DNM3: variants seen among roughly 807,000 people sequenced by gnomAD.
The protein encoded by DNM3 is dynamin-3.
In DNM3, 47 loss-of-function variants were observed where a neutral mutation model predicts 101.6. The ratio of observed to expected loss-of-function variants is 0.46; its 90% CI spans 0.37 to 0.59. The LOEUF (loss-of-function observed/expected upper bound fraction) is 0.59. Among genes scored for constraint, DNM3 ranks in the 20% least tolerant of loss-of-function variants. The pLI is 0.00. For synonymous variants in DNM3, 385 were observed against 387.9 expected (o/e 0.99, Z 0.09); for missense variants, 849 against 1,085.7 (o/e 0.78, Z 3.06).
chr1:171,939,304 T>C (rs1282113925), intron 2 of DNM3, among the ~76,000 whole-genome samples: 1 of 152,210 alleles, frequency 6.6e-6, no homozygotes, highest in Admixed American at 6.6e-5. Flanking sequence ...ATATTTCTCT[T>C]TGAAGTAAAT....
At chr1:172,291,607 A>G (rs902360699) in intron 15 of DNM3, among the ~76,000 whole-genome samples, 7 of 152,218 alleles carry the variant, frequency 4.6e-5, no homozygotes, top group Admixed American at 6.5e-5. Flanking sequence ...TGAAGGGTAT[A>G]TTAGAGATTT....
intron 17 of DNM3, among the ~76,000 whole-genome samples, chr1:172,371,504 CT>C (rs1213962098): frequency 6.6e-6 from 1 of 151,938 alleles, no homozygotes; most frequent in East Asian, 1.9e-4. Flanking sequence ...AAATGGTTCA[CT>C]TTTTTTGAGC....
intron 14 of DNM3, among the ~76,000 whole-genome samples, chr1:172,216,612 A>G (rs1026001900): frequency 1.3e-4 from 20 of 152,258 alleles, no homozygotes; most frequent in East Asian, 1.9e-4. Context: ...TGATTAATCC[A>G]TTTTAGTAAG....
chr1:172,073,875 A>G (rs2125958268), intron 11 of DNM3, among the ~76,000 whole-genome samples: 1 of 152,346 alleles, frequency 6.6e-6, no homozygotes, highest in South Asian at 2.1e-4. Context: ...TATCTCTGGT[A>G]TAATACCTTC....
intron 14 of DNM3, among the ~76,000 whole-genome samples, chr1:172,153,133 G>T (rs2058200635): frequency 6.6e-6 from 1 of 152,100 alleles, no homozygotes; most frequent in South Asian, 2.1e-4. Context: ...GAATTGATTG[G>T]TTCAAGTTCA....
At chr1:171,994,764 T>C (rs1360376053) in intron 4 of DNM3, among the ~76,000 whole-genome samples, 1 of 152,000 alleles carries the variant, frequency 6.6e-6, no homozygotes, top group East Asian at 1.9e-4. Context: ...ACCTGTGATG[T>C]TGAACAATTG....
intron 4 of DNM3, among the ~76,000 whole-genome samples, chr1:172,023,206 C>T (rs1337825463): frequency 6.6e-6 from 1 of 152,122 alleles, no homozygotes; most frequent in African/African-American, 2.4e-5. Context: ...CAATTGCTCT[C>T]TTGGTCTCAT....
intron 15 of DNM3, chr1:172,289,624 C>T (rs2063826733): frequency 1.0e-6 from 1 of 977,894 alleles, no homozygotes. Context: ...TTATAATTTT[C>T]CAACTTGCTC....
intron 15 of DNM3, among the ~76,000 whole-genome samples, chr1:172,302,915 G>C (rs1467797199): frequency 1.3e-5 from 2 of 152,132 alleles, no homozygotes; most frequent in African/African-American, 4.8e-5. Flanking sequence ...AAACCACAAA[G>C]CTGGGGAGAA....
At chr1:172,008,027 CTT>C (rs2046813882) in intron 4 of DNM3, among the ~76,000 whole-genome samples, 1 of 151,944 alleles carries the variant, frequency 6.6e-6, no homozygotes, top group South Asian at 2.1e-4. Flanking sequence ...CTATTCGGGT[CTT>C]TTGCCCATTT....
At chr1:171,880,365 T>A (rs2036157326) in intron 1 of DNM3, among the ~76,000 whole-genome samples, 1 of 152,228 alleles carries the variant, frequency 6.6e-6, no homozygotes, top group Non-Finnish European at 1.5e-5. Flanking sequence ...GGTATCTCTA[T>A]GTATTTGTAG....
intron 14 of DNM3, among the ~76,000 whole-genome samples, chr1:172,213,166 A>G (rs1240576489): frequency 1.3e-5 from 2 of 152,100 alleles, no homozygotes; most frequent in East Asian, 1.9e-4. Flanking sequence ...TAAGTCCAGC[A>G]CCATCAGGTC....
At chr1:172,162,145 C>T (rs61807787) in intron 14 of DNM3, among the ~76,000 whole-genome samples, 31,082 of 151,968 alleles carry the variant, frequency 0.2, 4,204 homozygotes, top group Non-Finnish European at 0.3. Flanking sequence ...TAGTAGGAAA[C>T]ATAGGAATAT....
At chr1:171,876,426 C>T (rs55951558) in intron 1 of DNM3, among the ~76,000 whole-genome samples, 15 of 151,934 alleles carry the variant, frequency 9.9e-5, no homozygotes, top group Non-Finnish European at 1.8e-4. Flanking sequence ...TCATTCCTGT[C>T]TTTTGGGGTA....
chr1:172,201,897 T>C lies in DNM3; in HGVS notation c.1660-51676T>C, dbSNP rs189511719. ...ACTTTTCTATAGGGCTGCTGTGGCA[T>C]GCTTTGGTTCCACTCCAATTTCTAG... On this transcript the variant is annotated intron_variant, in intron 14 of 20. Coordinates refer to ENST00000627582, the MANE Select transcript of DNM3 (RefSeq NM_015569.5). Among the ~76,000 whole-genome samples, 138 of 152,292 alleles carry C rather than the reference T, an allele frequency of 9.1e-4. 1 individual carries two copies. The highest frequency in any genetic ancestry group is 8.2e-3 in the Admixed American group (126 of 15,296).
intron 14 of DNM3, among the ~76,000 whole-genome samples, chr1:172,213,262 T>C (rs2148529110): frequency 1.0e-5 from 1 of 95,468 alleles, no homozygotes; most frequent in South Asian, 2.8e-4. Flanking sequence ...TACAGGCTGA[T>C]CTTGCTTTAC....
chr1:172,245,612 A>C (rs2061921191), intron 14 of DNM3, among the ~76,000 whole-genome samples: 1 of 152,220 alleles, frequency 6.6e-6, no homozygotes, highest in Non-Finnish European at 1.5e-5. Flanking sequence ...TGAAAGGTTC[A>C]GTGAACTGCA....
At chr1:171,888,157 CAG>C (rs548467390) in intron 1 of DNM3, among the ~76,000 whole-genome samples, 27 of 150,150 alleles carry the variant, frequency 1.8e-4, no homozygotes, top group African/African-American at 6.4e-4. Context: ...AGTTAAGTAA[CAG>C]AAATTTTTCT....
intron 4 of DNM3, among the ~76,000 whole-genome samples, chr1:172,019,604 C>T (rs1000816782): frequency 1.3e-5 from 2 of 151,752 alleles, no homozygotes; most frequent in African/African-American, 4.8e-5. Context: ...ATATGTTAAA[C>T]CTTTTGTAGT....
Sources: allele counts gnomAD v4.1 joint callset (sites outside exome capture counted in the v4.1 genomes callset), GRCh38; gene constraint gnomAD v4.1.1; transcripts MANE v1.5; gene names NCBI Gene and HGNC (gene_info 2026-07-23, HGNC 2026-07-21).